Variants in ABTB1 observed in about 807,000 individuals in gnomAD.
The protein encoded by ABTB1 is ankyrin repeat and BTB domain containing 1, also known as ankyrin repeat and BTB/POZ domain-containing protein 1.
In ABTB1, 45 loss-of-function variants were observed where a neutral mutation model predicts 57.1. The ratio of observed to expected loss-of-function variants is 0.79; its 90% CI spans 0.62 to 1.01. ABTB1 has a LOEUF of 1.01. Ranked by LOEUF, ABTB1 falls within the 50% of genes least tolerant of loss-of-function variation. ABTB1 has a pLI of 0.00. For missense variants in ABTB1, 630 were observed against 666.3 expected, an observed-to-expected ratio of 0.95 and a Z score of 0.60; for synonymous variants, 302 against 275.4, an observed-to-expected ratio of 1.10 and a Z score of -0.95.
At position 127,676,034 on chromosome 3, in the gene ABTB1, C is replaced by T; in HGVS notation, c.240C>T (p.Pro80=). The change falls in exon 4 of 12, where the codon CCC becomes CCT. Residue 80 remains proline, a synonymous_variant. Coordinates refer to ENST00000232744, the MANE Select transcript of ABTB1 (RefSeq NM_172027.3). The surrounding 1 kb of genome is among the most constrained non-coding windows in gnomAD (Gnocchi z 5.4). ...ERCLYGALSD[P]IRRALRDYKQ... is the part of the protein sequence containing the mutation. ...GCCTCTATGGGGCACTGAGTGACCCCATCCGCCGGGCTCTACGCGATTACA... is the reference window on the plus strand; with the variant it reads ...GCCTCTATGGGGCACTGAGTGACCCTATCCGCCGGGCTCTACGCGATTACA... The T allele has an allele frequency of 6.2e-7, 1 of 1,613,044 alleles. No individual in the cohort carries two copies. Among genetic ancestry groups the T allele is most frequent in the Non-Finnish European group, 8.5e-7 (1 of 1,179,956 alleles).
At chr3:127,673,652 C>G (rs1257444009) in intron 1 of ABTB1, 2 of 153,266 alleles carry the variant, frequency 1.3e-5, no homozygotes, top group East Asian at 3.8e-4. Context: ...TCCACTATCC[C>G]GTTTGACCTC....
rs35834653 is a variant in ABTB1, at chr3:127,676,974, G to A, written c.534G>A (p.Leu178=). The A allele has an allele frequency of 0.056, 90,103 of 1,613,288 alleles. 2,970 individuals carry two copies. The highest frequency in any genetic ancestry group is 0.068 in the Non-Finnish European group (79,957 of 1,179,512). The change falls in exon 7 of 12, where the codon CTG becomes CTA. Residue 178 remains leucine, a synonymous_variant. Coordinates refer to ENST00000232744, the MANE Select transcript of ABTB1 (RefSeq NM_172027.3). This position sits in a 1 kb window ranked among gnomAD's most constrained non-coding sequence, Gnocchi z 5.4. The part of the protein sequence containing the change: ...ALLQYLYTGR[L]DIGVEHVSDC... ...CCTCCCCACTGCCCCCAGGCCGCCTGGACATTGGCGTAGAGCATGTGAGTG... is the reference window on the plus strand; with the variant it reads ...CCTCCCCACTGCCCCCAGGCCGCCTAGACATTGGCGTAGAGCATGTGAGTG...
Position 127,676,693 on chromosome 3 carries a change from C to T in ABTB1, c.526+112C>T. 3 of 1,416,466 alleles carry T rather than the reference C, an allele frequency of 2.1e-6. No individual in the cohort carries two copies. Among genetic ancestry groups the T allele is most frequent in the Non-Finnish European group, 9.8e-7 (1 of 1,022,440 alleles). 87.7% of individuals were successfully genotyped at this position (1,416,466 alleles called of 1,614,324 possible). A position where few individuals can be genotyped will look rare whatever the true frequency, so the allele number is the denominator to read the frequency against. On this transcript the variant is annotated intron_variant, in intron 6 of 11. Transcript: ENST00000232744. The surrounding 1 kb of genome is among the most constrained non-coding windows in gnomAD (Gnocchi z 5.4). ...TCACCTCTAGACACTTCATGGTCCC[C>T]CCGGGGTGGTTCCAGCTGCCTCTCG...
Position 127,676,684 on chromosome 3 carries a change from C to T in ABTB1, c.526+103C>T. On this transcript the variant is annotated intron_variant, in intron 6 of 11. Transcript: ENST00000232744. This position sits in a 1 kb window ranked among gnomAD's most constrained non-coding sequence, Gnocchi z 5.4. Reference sequence around the variant, plus strand: ...GCTGACCTTTCACCTCTAGACACTTCATGGTCCCCCCGGGGTGGTTCCAGC... The same window carrying T: ...GCTGACCTTTCACCTCTAGACACTTTATGGTCCCCCCGGGGTGGTTCCAGC... 6.8e-7 allele frequency: 1 copy of T among 1,463,364 alleles called. No individual in the cohort carries two copies. Among genetic ancestry groups the T allele is most frequent in the Non-Finnish European group, 9.5e-7 (1 of 1,054,584 alleles). The allele number at this position is 1,463,364 out of a possible 1,614,324, so 90.6% of individuals were successfully genotyped here.
intron 3 of ABTB1, 116 bp downstream of exon 3, chr3:127,674,716 A>G: frequency 1.6e-6 from 2 of 1,260,902 alleles, no homozygotes; most frequent in Non-Finnish European, 2.3e-6. Flanking sequence ...AAGCACCACG[A>G]TTCCTCTCTT....
rs566405485 is a variant in ABTB1 at position 127,678,783 on chromosome 3, G to A, written c.1029+940G>A. On this transcript the variant is annotated intron_variant, in intron 10 of 11. Transcript: ENST00000232744. The stretch of plus-strand genomic sequence containing the variant: ...CAATGCTGTTTTTGTAGAAGCCACC[G>A]GAAATTGCACCACTTCTCATGTTCC... 151 of 152,400 alleles carry A rather than the reference G, an allele frequency of 9.9e-4. 1 individual carries two copies. The highest frequency in any genetic ancestry group is 1.9e-3 in the Admixed American group (29 of 15,300). 9.4% of individuals were successfully genotyped at this position (152,400 alleles called of 1,614,324 possible).
intron 3 of ABTB1, chr3:127,675,751 T>G: frequency 1.7e-6 from 1 of 601,078 alleles, no homozygotes; most frequent in East Asian, 2.8e-5. Context: ...CTGTCTTCCG[T>G]GTGAGTGAGT....
intron 10 of ABTB1, 50 bp downstream of exon 10, chr3:127,677,893 G>A: frequency 6.3e-7 from 1 of 1,585,774 alleles, no homozygotes; most frequent in South Asian, 1.1e-5. Context: ...TGCTGCCGTG[G>A]GCTGAGAGGG....
chr3:127,674,606 A>T lies in ABTB1; in HGVS notation c.175+6A>T. 1.2e-6 allele frequency: 2 copies of T among 1,614,064 alleles called. No individual in the cohort carries two copies. Among genetic ancestry groups the T allele is most frequent in the Non-Finnish European group, 1.7e-6 (2 of 1,180,000 alleles). On this transcript the variant is annotated splice_donor_region_variant and intron_variant, in intron 3 of 11. Transcript: ENST00000232744. Reference sequence around the variant, plus strand: ...ACTCTACCTTCTGGCCAATGGTGAGAGCAGGGAGCCCGGCTCACGGGTGTG... The same window carrying T: ...ACTCTACCTTCTGGCCAATGGTGAGTGCAGGGAGCCCGGCTCACGGGTGTG...
chr3:127,676,678 A>G lies in ABTB1; in HGVS notation c.526+97A>G, dbSNP rs979392364. The G allele has an allele frequency of 6.7e-7, 1 of 1,495,644 alleles. No individual in the cohort carries two copies. The highest frequency in any genetic ancestry group is 9.3e-7 in the Non-Finnish European group (1 of 1,080,566). The allele number at this position is 1,495,644 out of a possible 1,614,324, so 92.6% of individuals were successfully genotyped here. ...GGCTGGGCTGACCTTTCACCTCTAG[A>G]CACTTCATGGTCCCCCCGGGGTGGT... On this transcript the variant is annotated intron_variant, in intron 6 of 11. Coordinates refer to ENST00000232744, the MANE Select transcript of ABTB1 (RefSeq NM_172027.3). This position sits in a 1 kb window ranked among gnomAD's most constrained non-coding sequence, Gnocchi z 5.4.
In ABTB1 at chr3:127,676,158, C is replaced by A; in HGVS notation, c.320+44C>A. On this transcript the variant is annotated intron_variant, in intron 4 of 11. Transcript: ENST00000232744. This position sits in a 1 kb window ranked among gnomAD's most constrained non-coding sequence, Gnocchi z 5.4. ...GGGGTGCAGCATGGGGTGCGGTGGC[C>A]CTGGTGGGTGTGGCGAGTCTGCTCT... is the stretch of plus-strand genomic sequence containing the variant. 6.2e-7 allele frequency: 1 copy of A among 1,608,694 alleles called. No homozygotes were observed. The highest frequency in any genetic ancestry group is 1.1e-5 in the South Asian group (1 of 90,978).
At position 127,677,321 on chromosome 3, in the gene ABTB1, T is replaced by G. The variant is rs1214159481; in HGVS notation, c.762+35T>G. The G allele has an allele frequency of 2.5e-6, 4 of 1,576,940 alleles. No individual in the cohort carries two copies. The South Asian group carries it at 3.4e-5, about 13-fold the overall frequency. ...GGGCTGGTGGGCAGGAAGGGCGTTT[T>G]GGGATGGCAGGCCGTGACAGGCAGC... is the stretch of plus-strand genomic sequence containing the variant. On this transcript the variant is annotated intron_variant, in intron 8 of 11. Transcript: ENST00000232744.
At chr3:127,674,081 T>A (rs2074917516) in intron 1 of ABTB1, 1 of 424,582 alleles carries the variant, frequency 2.4e-6, no homozygotes. Flanking sequence ...GAAGGCTCCA[T>A]CACCTCCTCT....
At chr3:127,673,926 C>A (rs2074913244) in intron 1 of ABTB1, among the ~76,000 whole-genome samples, 1 of 152,230 alleles carries the variant, frequency 6.6e-6, no homozygotes, top group Non-Finnish European at 1.5e-5. Context: ...CCTTCCGCAT[C>A]CCATCAGTTG....
rs2075105153 is a variant in ABTB1, at chr3:127,680,436, A to C, written c.1398A>C (p.Ala466=). The C allele has an allele frequency of 6.2e-7, 1 of 1,605,618 alleles. No individual in the cohort carries two copies. The change falls in exon 12 of 12, where the codon GCA becomes GCC. Residue 466 remains alanine (A), a synonymous_variant. Coordinates refer to ENST00000232744, the MANE Select transcript of ABTB1 (RefSeq NM_172027.3). Reference sequence around the variant, plus strand: ...AGGAGGCGCAGCAGCGTCTGCGGGCACTCGAGGACCTGCTCGTGTCCATCG... The same window carrying C: ...AGGAGGCGCAGCAGCGTCTGCGGGCCCTCGAGGACCTGCTCGTGTCCATCG... ...AIEEAQQRLR[A]LEDLLVSIGL...
chr3:127,674,966 C>G (rs1457584887), intron 3 of ABTB1, among the ~76,000 whole-genome samples: 2 of 152,272 alleles, frequency 1.3e-5, no homozygotes, highest in East Asian at 3.9e-4. Flanking sequence ...CCTGGCCATG[C>G]CCAAGGCTCC....
chr3:127,678,317 TGCGTGCGCGTGCGC>T (rs2075037222), intron 10 of ABTB1: 2 of 158,132 alleles, frequency 1.3e-5, no homozygotes, highest in South Asian at 3.3e-4. Flanking sequence ...AGTGTGTGTG[TGCGTGCGCGTGCGC>T]GCGCACTATA....
At position 127,677,196 on chromosome 3, in the gene ABTB1, G is replaced by A; in HGVS notation, c.672G>A (p.Lys224=). ...CGTCTAAGCCAGGCACGTGTGTGAA[G>A]GTGCTGACCATCGAGCCCCCACCTG... ...FVASKPGTCV[K]VLTIEPPPAD... The change falls in exon 8 of 12, where the codon AAG becomes AAA. Residue 224 remains lysine, a synonymous_variant. Transcript: ENST00000232744. 1 of 1,612,790 alleles carries A rather than the reference G, an allele frequency of 6.2e-7. No individual in the cohort carries two copies. The highest frequency in any genetic ancestry group is 8.5e-7 in the Non-Finnish European group (1 of 1,179,540).
At position 127,676,868 on chromosome 3, in the gene ABTB1, C is replaced by A; in HGVS notation, c.527-99C>A. 1 of 1,235,490 alleles carries A rather than the reference C, an allele frequency of 8.1e-7. No homozygotes were observed. Among genetic ancestry groups the A allele is most frequent in the Admixed American group, 2.0e-5 (1 of 49,126 alleles). The allele number at this position is 1,235,490 out of a possible 1,614,324, so 76.5% of individuals were successfully genotyped here. On this transcript the variant is annotated intron_variant, in intron 6 of 11. Transcript: ENST00000232744. This position sits in a 1 kb window ranked among gnomAD's most constrained non-coding sequence, Gnocchi z 5.4. ...GGCAAGTGGGCCCAGGAGTCCTAGT[C>A]CTGCAGCCAGGTGGCCAGGTGGGAG...
Sources: allele counts gnomAD v4.1 joint callset (sites outside exome capture counted in the v4.1 genomes callset), GRCh38; gene constraint gnomAD v4.1.1; non-coding constraint Gnocchi (gnomAD v3.1); transcripts MANE v1.5; gene names NCBI Gene and HGNC (gene_info 2026-07-23, HGNC 2026-07-21).